ZMAT4: variants seen among roughly 807,000 people sequenced by gnomAD.
The protein encoded by ZMAT4 is zinc finger matrin-type protein 4.
A neutral mutation model predicts 28.7 loss-of-function variants in ZMAT4; 17 were observed. The ratio of observed to expected loss-of-function variants is 0.59; its 90% confidence interval spans 0.41 to 0.89. ZMAT4 has a LOEUF of 0.89. Among genes scored for constraint, ZMAT4 ranks in the 40% least tolerant of loss-of-function variants. The pLI is 0.00. For missense variants in ZMAT4, 240 were observed against 283.8 expected (o/e 0.85, Z 1.11); for synonymous variants, 117 against 109.2 (o/e 1.07, Z -0.44).
chr8:40,575,273 T>G (rs994431092), intron 6 of ZMAT4, among the ~76,000 whole-genome samples: 1 of 152,136 alleles, frequency 6.6e-6, no homozygotes, highest in African/African-American at 2.4e-5. Context: ...TGAGCCACTG[T>G]ATGCTATGCG....
chr8:40,536,586 C>T (rs1219751378), intron 6 of ZMAT4, among the ~76,000 whole-genome samples: 1 of 152,176 alleles, frequency 6.6e-6, no homozygotes, highest in Non-Finnish European at 1.5e-5. Flanking sequence ...TGAGGCTCCT[C>T]TACGTGCTGG....
intron 6 of ZMAT4, among the ~76,000 whole-genome samples, chr8:40,536,332 C>T (rs369667902): frequency 6.6e-6 from 1 of 152,300 alleles, no homozygotes; most frequent in East Asian, 1.9e-4. Context: ...TGCCCCATGT[C>T]CTACTCCTGG....
intron 1 of ZMAT4, among the ~76,000 whole-genome samples, chr8:40,883,414 G>A (rs1275733683): frequency 6.6e-6 from 1 of 152,138 alleles, no homozygotes; most frequent in African/African-American, 2.4e-5. Context: ...TACCTGGAAT[G>A]TCGAACCCCT....
intron 2 of ZMAT4, among the ~76,000 whole-genome samples, chr8:40,821,018 G>A (rs1415182080): frequency 1.4e-5 from 2 of 138,476 alleles, no homozygotes; most frequent in Non-Finnish European, 3.2e-5. Context: ...TGTGTTTATG[G>A]GTGCGTGTGT....
intron 1 of ZMAT4, among the ~76,000 whole-genome samples, chr8:40,841,725 A>G (rs527918958): frequency 5.9e-5 from 9 of 152,346 alleles, no homozygotes; most frequent in African/African-American, 9.6e-5. Flanking sequence ...GCCCGATAAT[A>G]ATAAACTGAT....
intron 2 of ZMAT4, among the ~76,000 whole-genome samples, chr8:40,786,132 C>G (rs1206405997): frequency 2.0e-5 from 3 of 152,104 alleles, no homozygotes; most frequent in African/African-American, 7.2e-5. Context: ...TAAACACAAC[C>G]ATCTGTTCTC....
At chr8:40,616,738 G>C (rs1806021427) in intron 5 of ZMAT4, among the ~76,000 whole-genome samples, 1 of 152,044 alleles carries the variant, frequency 6.6e-6, no homozygotes, top group Admixed American at 6.6e-5. Flanking sequence ...GCCTGCCGTG[G>C]GTTGGGGGGA....
intron 1 of ZMAT4, among the ~76,000 whole-genome samples, chr8:40,877,169 C>A (rs117570976): frequency 6.6e-6 from 1 of 152,112 alleles, no homozygotes. Flanking sequence ...AGGAGATGGC[C>A]GTCTACAAGC....
chr8:40,857,360 G>C (rs1169273908), intron 1 of ZMAT4, among the ~76,000 whole-genome samples: 2 of 151,284 alleles, frequency 1.3e-5, no homozygotes, highest in African/African-American at 4.9e-5. Context: ...GCAAGACCCT[G>C]TCTCTTAAAA....
intron 3 of ZMAT4, among the ~76,000 whole-genome samples, chr8:40,711,741 A>C (rs72639690): frequency 0.28 from 43,214 of 152,118 alleles, 7,140 homozygotes; most frequent in Middle Eastern, 0.43. Flanking sequence ...ATTAGTGATA[A>C]AATTTTACAA....
intron 6 of ZMAT4, among the ~76,000 whole-genome samples, chr8:40,535,805 C>T (rs1802827990): frequency 6.6e-6 from 1 of 152,080 alleles, no homozygotes; most frequent in Admixed American, 6.6e-5. Flanking sequence ...TAATTGGTCC[C>T]ACACTGAATG....
At chr8:40,797,034 C>A (rs939488745) in intron 2 of ZMAT4, among the ~76,000 whole-genome samples, 2 of 152,192 alleles carry the variant, frequency 1.3e-5, no homozygotes, top group Non-Finnish European at 2.9e-5. Context: ...ACTCCCCTCA[C>A]TCTGTGCTCC....
chr8:40,740,992 G>GCACACACACACACA (rs5891118), intron 3 of ZMAT4, among the ~76,000 whole-genome samples: 1 of 148,478 alleles, frequency 6.7e-6, no homozygotes, highest in Non-Finnish European at 1.5e-5. Context: ...TGATAAATGC[G>GCACACACACACACA]CACACACACA....
At chr8:40,810,962 TAAC>T (rs1348710742) in intron 2 of ZMAT4, among the ~76,000 whole-genome samples, 2 of 152,100 alleles carry the variant, frequency 1.3e-5, no homozygotes, top group African/African-American at 4.8e-5. Flanking sequence ...CAATTTAAAA[TAAC>T]AATAATATAT....
At chr8:40,624,918 C>T (rs896306630) in intron 5 of ZMAT4, among the ~76,000 whole-genome samples, 3 of 152,062 alleles carry the variant, frequency 2.0e-5, no homozygotes, top group African/African-American at 7.2e-5. Flanking sequence ...TGGGTGGTGC[C>T]AGACATAAAA....
intron 4 of ZMAT4, among the ~76,000 whole-genome samples, chr8:40,679,962 G>A (rs1339378298): frequency 6.6e-6 from 1 of 152,106 alleles, no homozygotes; most frequent in African/African-American, 2.4e-5. Flanking sequence ...CTTCCAGATT[G>A]TGTCATTTAG....
intron 3 of ZMAT4, among the ~76,000 whole-genome samples, chr8:40,698,618 G>A (rs547684359): frequency 3.2e-4 from 48 of 152,334 alleles, no homozygotes; most frequent in African/African-American, 1.1e-3. Context: ...TGGAGGAAGG[G>A]AATTACATAT....
chr8:40,883,399 C>T (rs1249196847), intron 1 of ZMAT4, among the ~76,000 whole-genome samples: 7 of 152,162 alleles, frequency 4.6e-5, no homozygotes, highest in South Asian at 2.1e-4. Flanking sequence ...TCCCTCTTCC[C>T]GGACTACCTG....
At chr8:40,852,806 T>C (rs1040844711) in intron 1 of ZMAT4, among the ~76,000 whole-genome samples, 8 of 152,196 alleles carry the variant, frequency 5.3e-5, no homozygotes, top group Admixed American at 1.3e-4. Context: ...TTTCATTATA[T>C]AATACCCAAA....
Sources: allele counts gnomAD v4.1 joint callset (sites outside exome capture counted in the v4.1 genomes callset), GRCh38; gene constraint gnomAD v4.1.1; transcripts MANE v1.5; gene names NCBI Gene and HGNC (gene_info 2026-07-23, HGNC 2026-07-21).